The following CDRT4 variants were observed in gnomAD, a reference collection of about 807,000 sequenced individuals.
CDRT4 encodes the protein CMT1A duplicated region transcript 4.
For missense variants in CDRT4, 167 were observed against 193.1 expected, an observed-to-expected ratio of 0.87 and a Z score of 0.80; for synonymous variants, 64 against 69.6, an observed-to-expected ratio of 0.92 and a Z score of 0.40.
chr17:15,448,485 C>G (rs1979125398), intron 2 of CDRT4, among the ~76,000 whole-genome samples: 1 of 152,152 alleles, frequency 6.6e-6, no homozygotes, highest in African/African-American at 2.4e-5. Flanking sequence ...ACCTTGCATT[C>G]AAAATCTGAA....
chr17:15,453,985 A>G (rs1197396720), intron 1 of CDRT4, among the ~76,000 whole-genome samples: 1 of 152,156 alleles, frequency 6.6e-6, no homozygotes, highest in African/African-American at 2.4e-5. Flanking sequence ...TGTTATCATC[A>G]TTAATATGCA....
At chr17:15,458,672 G>T (rs1979601164) in intron 1 of CDRT4, among the ~76,000 whole-genome samples, 1 of 152,084 alleles carries the variant, frequency 6.6e-6, no homozygotes. Flanking sequence ...AACCCTGAGG[G>T]ATACACCACC....
intron 2 of CDRT4, among the ~76,000 whole-genome samples, chr17:15,443,331 G>C (rs1978858774): frequency 1.3e-5 from 2 of 150,022 alleles, no homozygotes; most frequent in African/African-American, 4.9e-5. Flanking sequence ...TCAGGCTGGA[G>C]TGTAGTGGCA....
chr17:15,466,483 G>A (rs1189073719), intron 1 of CDRT4, among the ~76,000 whole-genome samples: 3 of 152,100 alleles, frequency 2.0e-5, no homozygotes, highest in Admixed American at 6.5e-5. Context: ...CTAATTTTTT[G>A]TTTCATTCAC....
chr17:15,457,352 A>C (rs1597466795), intron 1 of CDRT4, among the ~76,000 whole-genome samples: 1 of 152,334 alleles, frequency 6.6e-6, no homozygotes, highest in Non-Finnish European at 1.5e-5. Context: ...TCAAAAGAGA[A>C]AAGCTAACTT....
chr17:15,448,395 G>C (rs971500706), intron 2 of CDRT4, among the ~76,000 whole-genome samples: 1 of 152,228 alleles, frequency 6.6e-6, no homozygotes, highest in African/African-American at 2.4e-5. Flanking sequence ...ATTATAAATA[G>C]TGTGTGTCAC....
Position 15,437,797 on chromosome 17 carries a change from C to T in CDRT4, c.435G>A (p.Arg145=), listed in dbSNP as rs1283227635. Residue 145 remains arginine, a synonymous_variant, in exon 4 of 4, where the codon AGG becomes AGA. Transcript: ENST00000619038. ...KIIFARKPMM[R]MLPTVRY ...GTCAGTAGCGAACTGTAGGGAGCAT[C>T]CTCATCATAGGCTTGCGGGCAAAGA... is the stretch of plus-strand genomic sequence containing the variant. 2 of 1,614,008 alleles carry T rather than the reference C, an allele frequency of 1.2e-6. No homozygotes were observed. Among genetic ancestry groups the T allele is most frequent in the Non-Finnish European group, 1.7e-6 (2 of 1,180,012 alleles).
rs559678908 is a variant in CDRT4 at position 15,460,592 on chromosome 17, G to A, written c.-130+6868C>T. Among the ~76,000 whole-genome samples the A allele has an allele frequency of 1.4e-4, 22 of 152,264 alleles. No individual in the cohort carries two copies. In the South Asian group the frequency reaches 4.4e-3, roughly 30 times the overall value. ...TAATACAGTGGAAGCAGAATTCCAC[G>A]TGATCAAACATGTTGCCCCAGTGCT... On this transcript the variant is annotated intron_variant, in intron 1 of 3. Transcript: ENST00000619038.
At chr17:15,454,532 C>T (rs1409162167) in intron 1 of CDRT4, among the ~76,000 whole-genome samples, 1 of 152,200 alleles carries the variant, frequency 6.6e-6, no homozygotes, top group Non-Finnish European at 1.5e-5. Flanking sequence ...GTGTAACTCC[C>T]TAAGTCACCA....
At chr17:15,454,358 TC>T (rs974133726) in intron 1 of CDRT4, among the ~76,000 whole-genome samples, 1 of 152,120 alleles carries the variant, frequency 6.6e-6, no homozygotes, top group African/African-American at 2.4e-5. Context: ...GAGGGATGTT[TC>T]CAGCCAACAG....
intron 2 of CDRT4, among the ~76,000 whole-genome samples, chr17:15,441,909 GAA>G (rs1978780448): frequency 6.6e-6 from 1 of 152,170 alleles, no homozygotes; most frequent in African/African-American, 2.4e-5. Flanking sequence ...CTAACGTAGA[GAA>G]AGTTTCATGT....
Position 15,461,358 on chromosome 17 carries a change from G to A in CDRT4, c.-130+6102C>T, listed in dbSNP as rs79270524. Among the ~76,000 whole-genome samples the A allele has an allele frequency of 3.9e-3, 588 of 152,330 alleles. 5 individuals are homozygous for A. Among genetic ancestry groups the A allele is most frequent in the African/African-American group, 0.013 (556 of 41,582 alleles). On this transcript the variant is annotated intron_variant, in intron 1 of 3. Coordinates refer to ENST00000619038, the MANE Select transcript of CDRT4 (RefSeq NM_001204477.2). Reference sequence around the variant, plus strand: ...CCTCTGCAGTTCCGCTACAGCATGCGGGCTGCCACAAGGACAGGAGTGATT... The same window carrying A: ...CCTCTGCAGTTCCGCTACAGCATGCAGGCTGCCACAAGGACAGGAGTGATT...
intron 1 of CDRT4, among the ~76,000 whole-genome samples, 171 bp from the exon 2 acceptor site, chr17:15,453,256 C>T (rs2150793537): frequency 6.6e-6 from 1 of 152,256 alleles, no homozygotes; most frequent in South Asian, 2.1e-4. Context: ...CAAAAGAGGC[C>T]TCTTGAAATT....
At chr17:15,456,615 C>T (rs1159471241) in intron 1 of CDRT4, among the ~76,000 whole-genome samples, 5 of 149,354 alleles carry the variant, frequency 3.3e-5, no homozygotes, top group African/African-American at 1.3e-4. Context: ...GAGTAGGTTT[C>T]CAGAATCCAA....
Position 15,464,835 on chromosome 17 carries a change from G to A in CDRT4, c.-130+2625C>T, listed in dbSNP as rs948107486. On this transcript the variant is annotated intron_variant, in intron 1 of 3. Coordinates refer to ENST00000619038, the MANE Select transcript of CDRT4 (RefSeq NM_001204477.2). The surrounding 1 kb of genome is among the most constrained non-coding windows in gnomAD (Gnocchi z 4.5). ...TCACTCCAGCCTGGCATCCACACTC[G>A]CAGCTCTGCTGACAGCCAGCACAGA... is the stretch of plus-strand genomic sequence containing the variant. Among the ~76,000 whole-genome samples the A allele has an allele frequency of 1.3e-5, 2 of 152,060 alleles. No homozygotes were observed. The highest frequency in any genetic ancestry group is 2.1e-4 in the South Asian group (1 of 4,828).
chr17:15,465,152 AACAC>A (rs997873512), intron 1 of CDRT4, among the ~76,000 whole-genome samples: 3 of 113,578 alleles, frequency 2.6e-5, no homozygotes, highest in African/African-American at 1.3e-4. Flanking sequence ...CAGACACACC[AACAC>A]ACACACACCA....
chr17:15,463,083 G>T (rs1408643495), intron 1 of CDRT4, among the ~76,000 whole-genome samples: 1 of 152,188 alleles, frequency 6.6e-6, no homozygotes, highest in Non-Finnish European at 1.5e-5. Flanking sequence ...TTGTCGAGAT[G>T]ACTGCAGGGC....
chr17:15,449,171 C>A (rs1979156179), intron 2 of CDRT4, among the ~76,000 whole-genome samples: 1 of 152,254 alleles, frequency 6.6e-6, no homozygotes, highest in Admixed American at 6.5e-5. Flanking sequence ...GAAAACGCCA[C>A]TGTGCCGATT....
chr17:15,447,335 G>A (rs574302825), intron 2 of CDRT4, among the ~76,000 whole-genome samples: 1 of 152,160 alleles, frequency 6.6e-6, no homozygotes, highest in East Asian at 1.9e-4. Context: ...TCAAGAAGGA[G>A]GTTCAAGAAG....
Sources: allele counts gnomAD v4.1 joint callset (sites outside exome capture counted in the v4.1 genomes callset), GRCh38; gene constraint gnomAD v4.1.1; non-coding constraint Gnocchi (gnomAD v3.1); transcripts MANE v1.5; gene names NCBI Gene and HGNC (gene_info 2026-07-23, HGNC 2026-07-21).